ST6GALNAC3: variants seen among roughly 807,000 people sequenced by gnomAD.
The protein encoded by ST6GALNAC3 is ST6 N-acetylgalactosaminide alpha-2,6-sialyltransferase 3.
Under a neutral mutation model 32.7 loss-of-function variants are expected in ST6GALNAC3, and 25 were observed. That is an observed-to-expected ratio of 0.76 (90% CI 0.56 to 1.07). ST6GALNAC3 has a LOEUF of 1.07. Among genes scored for constraint, ST6GALNAC3 ranks in the 50% least tolerant of loss-of-function variants. The pLI, the probability that ST6GALNAC3 is intolerant of heterozygous loss-of-function variation, is 0.00. For missense variants in ST6GALNAC3, 355 were observed against 382.4 expected, an observed-to-expected ratio of 0.93 and a Z score of 0.60; for synonymous variants, 129 against 133.1, an observed-to-expected ratio of 0.97 and a Z score of 0.21.
intron 2 of ST6GALNAC3, among the ~76,000 whole-genome samples, chr1:76,357,130 C>CTTTTTTTTTTTTTTTTTTTTTTTTTT (rs55786044): frequency 1.8e-4 from 20 of 111,188 alleles, no homozygotes; most frequent in East Asian, 5.5e-4. Flanking sequence ...TTTTCTTTTT[C>CTTTTTTTTTTTTTTTTTTTTTTTTTT]TTTTTTTTTT....
chr1:76,151,271 G>C (rs1451944704), intron 1 of ST6GALNAC3, among the ~76,000 whole-genome samples: 1 of 151,966 alleles, frequency 6.6e-6, no homozygotes, highest in Non-Finnish European at 1.5e-5. Flanking sequence ...GGGCAAACAG[G>C]GGGGCAAGGG....
intron 1 of ST6GALNAC3, among the ~76,000 whole-genome samples, chr1:76,257,313 T>C (rs2100716823): frequency 6.6e-6 from 1 of 152,254 alleles, no homozygotes; most frequent in Admixed American, 6.5e-5. Context: ...ATTCACACCA[T>C]GACACTGACG....
chr1:76,510,625 G>A (rs1369938231), intron 3 of ST6GALNAC3, among the ~76,000 whole-genome samples: 1 of 152,154 alleles, frequency 6.6e-6, no homozygotes, highest in Non-Finnish European at 1.5e-5. Context: ...GTACACAGAT[G>A]CTCCTTGACT....
chr1:76,532,483 G>C (rs533536315), intron 3 of ST6GALNAC3, among the ~76,000 whole-genome samples: 3 of 152,218 alleles, frequency 2.0e-5, no homozygotes, highest in Non-Finnish European at 4.4e-5. Context: ...CTCTGATTGA[G>C]AGTGCATTGT....
intron 1 of ST6GALNAC3, among the ~76,000 whole-genome samples, chr1:76,151,010 G>A (rs975389454): frequency 1.3e-5 from 2 of 152,186 alleles, no homozygotes; most frequent in African/African-American, 4.8e-5. Context: ...CAGATCATCA[G>A]CCAAGTCTTC....
intron 3 of ST6GALNAC3, among the ~76,000 whole-genome samples, chr1:76,574,454 G>C (rs1646768419): frequency 1.3e-5 from 2 of 151,902 alleles, no homozygotes; most frequent in South Asian, 4.2e-4. Context: ...TGCTCCCATG[G>C]CTGAATCCTC....
At chr1:76,101,121 T>A (rs1647214709) in intron 1 of ST6GALNAC3, among the ~76,000 whole-genome samples, 1 of 152,162 alleles carries the variant, frequency 6.6e-6, no homozygotes, top group South Asian at 2.1e-4. Context: ...TCACGCAGAA[T>A]AGTGGTACTG....
chr1:76,635,534 G>T (rs892405408), downstream of ST6GALNAC3, among the ~76,000 whole-genome samples: 1 of 152,170 alleles, frequency 6.6e-6, no homozygotes. Flanking sequence ...AGCTTTTGAC[G>T]AAATGAGATT....
intron 3 of ST6GALNAC3, among the ~76,000 whole-genome samples, chr1:76,595,343 T>G (rs974325257): frequency 3.3e-5 from 5 of 152,076 alleles, no homozygotes; most frequent in Admixed American, 2.6e-4. Context: ...CTACACTTCC[T>G]TGTACCTACT....
intron 3 of ST6GALNAC3, among the ~76,000 whole-genome samples, chr1:76,445,582 G>T (rs908388563): frequency 6.6e-6 from 1 of 152,168 alleles, no homozygotes; most frequent in Non-Finnish European, 1.5e-5. Context: ...ATGTACTATT[G>T]TGACATGCTT....
intron 3 of ST6GALNAC3, among the ~76,000 whole-genome samples, chr1:76,605,568 A>C (rs1326121519): frequency 2.6e-5 from 4 of 152,076 alleles, no homozygotes; most frequent in African/African-American, 9.7e-5. Flanking sequence ...CAACCCCATT[A>C]AAAAGTGAGC....
At chr1:76,565,208 C>CTT (rs1376741079) in intron 3 of ST6GALNAC3, among the ~76,000 whole-genome samples, 1 of 152,154 alleles carries the variant, frequency 6.6e-6, no homozygotes, top group Admixed American at 6.5e-5. Flanking sequence ...GGACACACCC[C>CTT]TTTAAAGCTC....
chr1:76,379,647 T>C (rs1651547549), intron 2 of ST6GALNAC3, among the ~76,000 whole-genome samples: 1 of 152,106 alleles, frequency 6.6e-6, no homozygotes, highest in Non-Finnish European at 1.5e-5. Flanking sequence ...TTGTGGTGTG[T>C]GGCTCATCTC....
chr1:76,143,177 G>A (rs922482083), intron 1 of ST6GALNAC3, among the ~76,000 whole-genome samples: 1 of 152,028 alleles, frequency 6.6e-6, no homozygotes, highest in Non-Finnish European at 1.5e-5. Context: ...GGCAGTAAAG[G>A]GTTTAAAACT....
chr1:76,583,351 A>G (rs1343796980), intron 3 of ST6GALNAC3, among the ~76,000 whole-genome samples: 1 of 152,240 alleles, frequency 6.6e-6, no homozygotes, highest in Non-Finnish European at 1.5e-5. Flanking sequence ...AAACCCAGGA[A>G]GAATATTCCA....
intron 1 of ST6GALNAC3, among the ~76,000 whole-genome samples, chr1:76,083,110 C>T (rs927132364): frequency 1.3e-5 from 2 of 152,170 alleles, no homozygotes; most frequent in Non-Finnish European, 2.9e-5. Context: ...GCTATGGAAA[C>T]GATTTGCATC....
chr1:76,093,018 A>T (rs972664744), intron 1 of ST6GALNAC3, among the ~76,000 whole-genome samples: 21 of 152,210 alleles, frequency 1.4e-4, no homozygotes, highest in African/African-American at 5.1e-4. Flanking sequence ...AATTCTAAAG[A>T]TTCAGAATTT....
chr1:76,375,338 A>G (rs1651141193), intron 2 of ST6GALNAC3, among the ~76,000 whole-genome samples: 1 of 152,192 alleles, frequency 6.6e-6, no homozygotes, highest in South Asian at 2.1e-4. Context: ...GGAAGTGAAT[A>G]AAGAAGAGAA....
At chr1:76,486,745 T>C (rs1660144236) in intron 3 of ST6GALNAC3, among the ~76,000 whole-genome samples, 1 of 152,216 alleles carries the variant, frequency 6.6e-6, no homozygotes, top group South Asian at 2.1e-4. Flanking sequence ...AATATTGTTA[T>C]GTGTGAATTT....
Sources: allele counts gnomAD v4.1 joint callset (sites outside exome capture counted in the v4.1 genomes callset), GRCh38; gene constraint gnomAD v4.1.1; transcripts MANE v1.5; gene names NCBI Gene and HGNC (gene_info 2026-07-23, HGNC 2026-07-21).